The following FMN2 variants were observed in gnomAD, a reference collection of about 807,000 sequenced individuals.
FMN2 encodes the protein formin-2.
A neutral mutation model predicts 142.3 loss-of-function variants in FMN2; 51 were observed. That is an observed-to-expected ratio of 0.36 (90% CI 0.29 to 0.45). The LOEUF (loss-of-function observed/expected upper bound fraction) is 0.45. FMN2 is among the 20% of genes least tolerant of loss of function. The probability of loss-of-function intolerance (pLI) is 1.00; values close to 1 mark genes in which losing one functional copy is unlikely to be tolerated. For missense variants in FMN2, 1,936 were observed against 2,122.8 expected, an observed-to-expected ratio of 0.91 and a Z score of 1.73; for synonymous variants, 882 against 869.8, an observed-to-expected ratio of 1.01 and a Z score of -0.25.
chr1:240,373,042 C>T (rs970184677), intron 14 of FMN2, among the ~76,000 whole-genome samples: 35 of 151,866 alleles, frequency 2.3e-4, no homozygotes, highest in Admixed American at 5.9e-4. Flanking sequence ...AAAAGTAGCG[C>T]GCGTGGTGGT....
At chr1:240,418,878 A>C (rs140175040) in intron 15 of FMN2, among the ~76,000 whole-genome samples, 1 of 152,082 alleles carries the variant, frequency 6.6e-6, no homozygotes, top group Middle Eastern at 3.2e-3. Flanking sequence ...AGGCCGAGGC[A>C]GGTGGATCAC....
chr1:240,348,928 G>A (rs190878696), intron 13 of FMN2, among the ~76,000 whole-genome samples: 69 of 152,100 alleles, frequency 4.5e-4, no homozygotes, highest in African/African-American at 1.6e-3. Flanking sequence ...CCCAGTGTCC[G>A]GTCACTAGCT....
chr1:240,141,245 A>G (rs889229171), intron 2 of FMN2, among the ~76,000 whole-genome samples: 1 of 152,242 alleles, frequency 6.6e-6, no homozygotes, highest in African/African-American at 2.4e-5. Context: ...TTAAGAAAAT[A>G]CTAGGGATTC....
chr1:240,414,682 A>G lies in FMN2; in HGVS notation c.4910+22120A>G, dbSNP rs1674519806. On this transcript the variant is annotated intron_variant, in intron 15 of 17. Transcript: ENST00000319653. ...CTTTGTAAACTGTATGGCAACATGT[A>G]AATAGGAGATATTCACACTGGTATT... Among the ~76,000 whole-genome samples the G allele has an allele frequency of 2.0e-5, 3 of 152,312 alleles. No individual in the cohort carries two copies. In the South Asian group the frequency reaches 6.2e-4, roughly 32 times the overall value.
At chr1:240,301,033 C>A (rs1314305917) in intron 8 of FMN2, among the ~76,000 whole-genome samples, 1 of 151,622 alleles carries the variant, frequency 6.6e-6, no homozygotes, top group Non-Finnish European at 1.5e-5. Flanking sequence ...TTTCTTGGAG[C>A]ATTTAGATTG....
chr1:240,467,280 T>C (rs1312185806), intron 16 of FMN2, among the ~76,000 whole-genome samples: 2 of 148,540 alleles, frequency 1.3e-5, no homozygotes, highest in Non-Finnish European at 3.0e-5. Flanking sequence ...ATCGTTCCTT[T>C]TTTTTTTTTT....
intron 15 of FMN2, among the ~76,000 whole-genome samples, chr1:240,410,597 A>G (rs1267014007): frequency 1.3e-5 from 2 of 152,352 alleles, no homozygotes; most frequent in East Asian, 3.9e-4. Context: ...TTTCAACTTT[A>G]ACTAGAAGAA....
intron 16 of FMN2, among the ~76,000 whole-genome samples, chr1:240,452,709 G>T (rs1370897501): frequency 6.6e-6 from 1 of 152,108 alleles, no homozygotes; most frequent in African/African-American, 2.4e-5. Flanking sequence ...GTAGAAAAAA[G>T]TATGTCATCA....
At chr1:240,328,988 T>C (rs942083840) in intron 8 of FMN2, 88 bp from the exon 9 acceptor site, 2 of 1,145,344 alleles carry the variant, frequency 1.7e-6, no homozygotes, top group Non-Finnish European at 2.5e-6. Flanking sequence ...TGTATTCAGA[T>C]CAGCAAATTT....
chr1:240,244,356 C>T (rs539787327), intron 6 of FMN2, among the ~76,000 whole-genome samples: 2 of 152,136 alleles, frequency 1.3e-5, no homozygotes, highest in Non-Finnish European at 2.9e-5. Context: ...TAAGAAATTG[C>T]AAGAAACTTC....
At chr1:240,388,950 C>G (rs2103093296) in intron 14 of FMN2, among the ~76,000 whole-genome samples, 1 of 151,474 alleles carries the variant, frequency 6.6e-6, no homozygotes, top group South Asian at 2.1e-4. Context: ...GTGAAGATCA[C>G]CAGCCAAGCC....
At chr1:240,154,133 T>G (rs1255686135) in intron 2 of FMN2, among the ~76,000 whole-genome samples, 55 of 56,794 alleles carry the variant, frequency 9.7e-4, no homozygotes, top group Non-Finnish European at 9.8e-4. Flanking sequence ...AAAAAAAAAG[T>G]GTTACTACCT....
intron 4 of FMN2, among the ~76,000 whole-genome samples, chr1:240,201,034 A>G (rs10802846): frequency 0.62 from 94,842 of 152,000 alleles, 29,862 homozygotes; most frequent in Middle Eastern, 0.73. Flanking sequence ...TGTATCTTAC[A>G]TTTGAAAACC....
intron 7 of FMN2, among the ~76,000 whole-genome samples, chr1:240,266,779 C>A (rs924701489): frequency 3.3e-5 from 5 of 151,598 alleles, no homozygotes; most frequent in African/African-American, 1.2e-4. Context: ...AATAGAGAAT[C>A]CAAAAATAAA....
chr1:240,336,582 A>AAAAAAAAAAAG lies in FMN2; in HGVS notation c.4765+2353_4765+2354insAAAAAAAAAAG, dbSNP rs144682452. On this transcript the variant is annotated intron_variant, in intron 13 of 17. Coordinates refer to ENST00000319653, the MANE Select transcript of FMN2 (RefSeq NM_020066.5). ...AAAAAAAAAAAAAAAAAAAAAAAAAAGGTGGTTGCAATTGTTTTCCCATTT... is the reference window on the plus strand; with the variant it reads ...AAAAAAAAAAAAAAAAAAAAAAAAAAAAAAAAAAAAGGGTGGTTGCAATTGTTTTCCCATTT... Among the ~76,000 whole-genome samples the AAAAAAAAAAAG allele has an allele frequency of 7.7e-3, 788 of 101,850 alleles. 127 individuals are homozygous for AAAAAAAAAAAG. Among genetic ancestry groups the AAAAAAAAAAAG allele is most frequent in the South Asian group, 0.026 (65 of 2,468 alleles). The allele number at this position is 101,850 out of a possible 152,430, so 66.8% of individuals were successfully genotyped here.
At position 240,361,134 on chromosome 1, in the gene FMN2, T is replaced by TAAATAAATAAATAA. The variant is rs1423782751; in HGVS notation, c.4858+5227_4858+5228insAATAAATAAATAAA. Among the ~76,000 whole-genome samples the TAAATAAATAAATAA allele has an allele frequency of 1.7e-4, 3 of 18,150 alleles. No individual in the cohort carries two copies. The African/African-American group carries it at 1.7e-3, about 10-fold the overall frequency. 11.9% of individuals were successfully genotyped at this position (18,150 alleles called of 152,430 possible). ...TTAAAGTATAATAATAATAAATAAA[T>TAAATAAATAAATAA]ATATGTGTATATATATATATATATA... is the stretch of plus-strand genomic sequence containing the variant. On this transcript the variant is annotated intron_variant, in intron 14 of 17. Coordinates refer to ENST00000319653, the MANE Select transcript of FMN2 (RefSeq NM_020066.5).
At chr1:240,322,075 T>C (rs1313060412) in intron 8 of FMN2, among the ~76,000 whole-genome samples, 1 of 152,114 alleles carries the variant, frequency 6.6e-6, no homozygotes, top group African/African-American at 2.4e-5. Flanking sequence ...TAGCCTACAG[T>C]TGGACAAAAT....
At chr1:240,158,582 T>C (rs1664131774) in intron 2 of FMN2, among the ~76,000 whole-genome samples, 1 of 152,030 alleles carries the variant, frequency 6.6e-6, no homozygotes, top group African/African-American at 2.4e-5. Flanking sequence ...TTTATAAAAA[T>C]CACATAACTG....
chr1:240,344,989 A>G (rs997882779), intron 13 of FMN2, among the ~76,000 whole-genome samples: 2 of 152,222 alleles, frequency 1.3e-5, no homozygotes, highest in African/African-American at 2.4e-5. Flanking sequence ...GTCTACACAT[A>G]TGTGATACAA....
Sources: allele counts gnomAD v4.1 joint callset (sites outside exome capture counted in the v4.1 genomes callset), GRCh38; gene constraint gnomAD v4.1.1; transcripts MANE v1.5; gene names NCBI Gene and HGNC (gene_info 2026-07-23, HGNC 2026-07-21).